The following DENND1A variants were observed in gnomAD, a reference collection of about 807,000 sequenced individuals.
DENND1A encodes the protein DENN domain-containing protein 1A.
A neutral mutation model predicts 113.7 loss-of-function variants in DENND1A; 51 were observed. The observed-to-expected ratio is 0.45, with a 90% confidence interval of 0.36 to 0.57. DENND1A has a LOEUF of 0.57. DENND1A is among the 20% of genes least tolerant of loss of function. The pLI, the probability that DENND1A is intolerant of heterozygous loss-of-function variation, is 0.00. For missense variants in DENND1A, 1,258 were observed against 1,395.9 expected (o/e 0.90, Z 1.57); for synonymous variants, 565 against 570.8 (o/e 0.99, Z 0.14).
chr9:123,929,990 CG>C lies in DENND1A; in HGVS notation c.-86del. ...CCGCGGCCGACCGGCCTCCCTCTGG[CG>C]CTCTCCCCGCCCCTTCCTCCCTTCC... On this transcript the variant is annotated 5_prime_UTR_variant, in exon 1 of 24. Coordinates refer to ENST00000394215, the MANE Select transcript of DENND1A (RefSeq NM_001352964.2). 3.7e-6 allele frequency: 1 copy of C among 268,130 alleles called. No individual in the cohort carries two copies. Among genetic ancestry groups the C allele is most frequent in the Non-Finnish European group, 6.9e-6 (1 of 145,736 alleles). The allele number at this position is 268,130 out of a possible 1,614,324, so 16.6% of individuals were successfully genotyped here.
intron 18 of DENND1A, among the ~76,000 whole-genome samples, chr9:123,450,030 T>A: frequency 3.6e-5 from 4 of 110,240 alleles, no homozygotes; most frequent in South Asian, 2.8e-4. Context: ...ACAAAAGAAG[T>A]CAGATAAAAA....
At chr9:123,646,437 T>C (rs995741776) in intron 9 of DENND1A, among the ~76,000 whole-genome samples, 2 of 152,150 alleles carry the variant, frequency 1.3e-5, no homozygotes, top group East Asian at 3.9e-4. Flanking sequence ...TGGGAGCTTC[T>C]ATAGCATGTT....
intron 1 of DENND1A, among the ~76,000 whole-genome samples, chr9:123,915,967 G>A (rs569002163): frequency 6.6e-6 from 1 of 152,200 alleles, no homozygotes; most frequent in African/African-American, 2.4e-5. Flanking sequence ...CTATGGAGGA[G>A]AATTTGACAA....
chr9:123,860,685 A>G lies in DENND1A; in HGVS notation c.88+18266T>C, dbSNP rs534655745. ...CCAGTGCATTGCCTAATAAACACCT[A>G]TACTTCATCTCTGCTGCTTTAGCTT... On this transcript the variant is annotated intron_variant, in intron 2 of 23. Transcript: ENST00000394215. 1.1e-4 allele frequency among the ~76,000 whole-genome samples: 16 copies of G among 152,284 alleles called. No individual in the cohort carries two copies. In the East Asian group the frequency reaches 2.1e-3, roughly 20 times the overall value.
intron 13 of DENND1A, among the ~76,000 whole-genome samples, chr9:123,471,601 C>A (rs938223188): frequency 6.6e-6 from 1 of 152,128 alleles, no homozygotes; most frequent in Non-Finnish European, 1.5e-5. Flanking sequence ...AGGGCTGGGA[C>A]GCCGCAGGAC....
intron 5 of DENND1A, among the ~76,000 whole-genome samples, chr9:123,757,262 G>A (rs753983304): frequency 2.6e-5 from 4 of 152,152 alleles, no homozygotes; most frequent in South Asian, 2.1e-4. Context: ...TTCATTCACC[G>A]ACCCAAAGGG....
intron 13 of DENND1A, among the ~76,000 whole-genome samples, chr9:123,540,995 T>C (rs2056248589): frequency 6.6e-6 from 1 of 152,224 alleles, no homozygotes; most frequent in Non-Finnish European, 1.5e-5. Flanking sequence ...GCTTTCTCTA[T>C]CTTCTTCCTT....
intron 6 of DENND1A, among the ~76,000 whole-genome samples, chr9:123,674,841 CTTTTTT>C (rs11327678): frequency 7.6e-6 from 1 of 132,346 alleles, no homozygotes; most frequent in African/African-American, 2.9e-5. Context: ...GTTTTTTTCT[CTTTTTT>C]TTTTTTTTTT....
chr9:123,477,029 C>G (rs2049972442), intron 13 of DENND1A, among the ~76,000 whole-genome samples: 2 of 152,190 alleles, frequency 1.3e-5, no homozygotes, highest in Non-Finnish European at 2.9e-5. Flanking sequence ...GGCACAGGCT[C>G]TATCTTACTA....
chr9:123,586,974 C>T (rs970018971), intron 11 of DENND1A, among the ~76,000 whole-genome samples: 4 of 151,858 alleles, frequency 2.6e-5, no homozygotes, highest in Admixed American at 1.3e-4. Context: ...GCCAGCAGCC[C>T]GCAATGCAAC....
intron 2 of DENND1A, among the ~76,000 whole-genome samples, chr9:123,869,473 C>T (rs1353362525): frequency 1.3e-5 from 2 of 152,164 alleles, no homozygotes; most frequent in Non-Finnish European, 2.9e-5. Context: ...AAGCATATTA[C>T]AAGCTCATAG....
chr9:123,413,605 G>C, intron 19 of DENND1A: 3 of 985,554 alleles, frequency 3.0e-6, no homozygotes, highest in Non-Finnish European at 2.4e-6. Context: ...CAGGGACTTG[G>C]TGGAGGGTTC....
At chr9:123,709,221 G>T (rs1468042317) in intron 5 of DENND1A, among the ~76,000 whole-genome samples, 4 of 152,174 alleles carry the variant, frequency 2.6e-5, no homozygotes, top group Non-Finnish European at 5.9e-5. Context: ...TGTAACTAAG[G>T]CCTCCTCTGT....
At chr9:123,398,847 T>A (rs955181788) in intron 21 of DENND1A, among the ~76,000 whole-genome samples, 4 of 148,254 alleles carry the variant, frequency 2.7e-5, no homozygotes, top group African/African-American at 1.0e-4. Flanking sequence ...CAGGCTGGAG[T>A]GCAATGGTGT....
chr9:123,587,136 G>A (rs1303941025), intron 11 of DENND1A, among the ~76,000 whole-genome samples: 1 of 151,994 alleles, frequency 6.6e-6, no homozygotes, highest in African/African-American at 2.4e-5. Context: ...ATTAAGTTTA[G>A]TGAAGGCGGG....
chr9:123,904,792 G>C (rs574559579), intron 1 of DENND1A, among the ~76,000 whole-genome samples: 1 of 152,018 alleles, frequency 6.6e-6, no homozygotes, highest in African/African-American at 2.4e-5. Flanking sequence ...TGCAGGATAT[G>C]ATCCAGGAGA....
chr9:123,690,365 A>C (rs1017944148), intron 5 of DENND1A, among the ~76,000 whole-genome samples: 1 of 152,192 alleles, frequency 6.6e-6, no homozygotes, highest in Non-Finnish European at 1.5e-5. Flanking sequence ...TAAGAAAAAA[A>C]AGTTGCCTGT....
chr9:123,413,290 A>G, intron 19 of DENND1A: 1 of 488,712 alleles, frequency 2.0e-6, no homozygotes. Flanking sequence ...GATTGATTAC[A>G]TGTTGAAATA....
At chr9:123,476,580 C>A (rs571544370) in intron 13 of DENND1A, among the ~76,000 whole-genome samples, 1 of 152,328 alleles carries the variant, frequency 6.6e-6, no homozygotes, top group East Asian at 1.9e-4. Context: ...CTTTTCAATG[C>A]CCGTTCCTGG....
Sources: allele counts gnomAD v4.1 joint callset (sites outside exome capture counted in the v4.1 genomes callset), GRCh38; gene constraint gnomAD v4.1.1; transcripts MANE v1.5; gene names NCBI Gene and HGNC (gene_info 2026-07-23, HGNC 2026-07-21).